The following TTLL5 variants were observed in gnomAD, a reference collection of about 807,000 sequenced individuals.
The protein encoded by TTLL5 is tubulin polyglutamylase TTLL5.
Under a neutral mutation model 168.4 loss-of-function variants are expected in TTLL5, and 132 were observed. That is an observed-to-expected ratio of 0.78 (90% CI 0.68 to 0.91). TTLL5 has a LOEUF of 0.91. Ranked by LOEUF, TTLL5 falls within the 40% of genes least tolerant of loss-of-function variation. The pLI is 0.00. For missense variants in TTLL5, 1,545 were observed against 1,581.5 expected, an observed-to-expected ratio of 0.98 and a Z score of 0.39; for synonymous variants, 546 against 558.6, an observed-to-expected ratio of 0.98 and a Z score of 0.32.
intron 29 of TTLL5, among the ~76,000 whole-genome samples, chr14:75,870,779 C>T (rs1021696392): frequency 6.6e-6 from 1 of 151,236 alleles, no homozygotes; most frequent in Admixed American, 6.6e-5. Flanking sequence ...TTGCTTAATT[C>T]ATATTATGCT....
In TTLL5 at chr14:75,791,470, G is replaced by A. The variant is rs143076224; in HGVS notation, c.2987-1446G>A. Among the ~76,000 whole-genome samples, 366 of 152,146 alleles carry A rather than the reference G, an allele frequency of 2.4e-3. 1 individual carries two copies. The highest frequency in any genetic ancestry group is 4.0e-3 in the Non-Finnish European group (272 of 68,000). ...ATATCTATATTAGGATACCATTTTTGTAGATCTCAAAAACGAGCAAAATTA... is the reference window on the plus strand; with the variant it reads ...ATATCTATATTAGGATACCATTTTTATAGATCTCAAAAACGAGCAAAATTA... On this transcript the variant is annotated intron_variant, in intron 26 of 31. Transcript: ENST00000298832.
Position 75,782,426 on chromosome 14 carries a change from A to G in TTLL5, c.2516-61A>G, listed in dbSNP as rs45622233. ...TATATTTTTGGGAATAAAATTATGTATAGAACAGCGGACTTGCAATTGATT... is the reference window on the plus strand; with the variant it reads ...TATATTTTTGGGAATAAAATTATGTGTAGAACAGCGGACTTGCAATTGATT... On this transcript the variant is annotated intron_variant, in intron 24 of 31. Transcript: ENST00000298832. 0.02 allele frequency: 27,278 copies of G among 1,337,856 alleles called. 457 individuals carry two copies. Among genetic ancestry groups the G allele is most frequent in the Admixed American group, 0.072 (3,759 of 52,354 alleles). 82.9% of individuals were successfully genotyped at this position (1,337,856 alleles called of 1,614,324 possible).
chr14:75,669,646 G>T, intron 3 of TTLL5, 124 bp downstream of exon 3: 2 of 578,274 alleles, frequency 3.5e-6, no homozygotes, highest in East Asian at 6.5e-5. Context: ...CAATTGAGTT[G>T]TTATACTTCA....
chr14:75,894,541 C>T (rs2140064302), intron 30 of TTLL5, among the ~76,000 whole-genome samples: 1 of 152,148 alleles, frequency 6.6e-6, no homozygotes, highest in Middle Eastern at 3.4e-3. Flanking sequence ...GGCGACAGAG[C>T]AAGACTCTGT....
intron 17 of TTLL5, among the ~76,000 whole-genome samples, chr14:75,752,172 C>A (rs559805113): frequency 6.6e-6 from 1 of 152,302 alleles, no homozygotes; most frequent in South Asian, 2.1e-4. Context: ...GTATCTTGTA[C>A]AGACCTCCTG....
chr14:75,817,058 C>A (rs988597436), intron 27 of TTLL5, among the ~76,000 whole-genome samples: 24 of 142,794 alleles, frequency 1.7e-4, no homozygotes, highest in African/African-American at 6.2e-4. Flanking sequence ...GAGCTCACTG[C>A]AGCCTCTGAC....
intron 17 of TTLL5, among the ~76,000 whole-genome samples, chr14:75,749,934 GCTTTATTACTTTATTC>G (rs1889846656): frequency 6.6e-6 from 1 of 151,982 alleles, no homozygotes; most frequent in African/African-American, 2.4e-5. Flanking sequence ...AATAAGAATA[GCTTTATTACTTTATTC>G]CTAATAATAA....
At chr14:75,833,043 C>T (rs370521876) in intron 28 of TTLL5, among the ~76,000 whole-genome samples, 5 of 152,180 alleles carry the variant, frequency 3.3e-5, no homozygotes, top group Non-Finnish European at 7.3e-5. Context: ...ACCTGCCTCC[C>T]GCAGCTCTGC....
intron 30 of TTLL5, among the ~76,000 whole-genome samples, chr14:75,896,808 G>A (rs1443803535): frequency 6.6e-6 from 1 of 152,152 alleles, no homozygotes; most frequent in Non-Finnish European, 1.5e-5. Context: ...CGAAAAACAT[G>A]TCAGAAACCT....
intron 26 of TTLL5, among the ~76,000 whole-genome samples, 162 bp from the exon 27 acceptor site, chr14:75,792,754 A>G (rs1026459118): frequency 4.6e-5 from 7 of 152,154 alleles, no homozygotes; most frequent in African/African-American, 1.7e-4. Flanking sequence ...TATGGTAACC[A>G]TTTATTTTTG....
At chr14:75,922,058 TG>T (rs1676909904) in intron 31 of TTLL5, among the ~76,000 whole-genome samples, 1 of 152,230 alleles carries the variant, frequency 6.6e-6, no homozygotes, top group Non-Finnish European at 1.5e-5. Flanking sequence ...TGTATAGGAA[TG>T]CTTGTGATTT....
chr14:75,817,736 T>G (rs1224295003), intron 27 of TTLL5, among the ~76,000 whole-genome samples: 1 of 152,068 alleles, frequency 6.6e-6, no homozygotes, highest in African/African-American at 2.4e-5. Flanking sequence ...CTTAAAATCC[T>G]GCATTCAGCT....
intron 8 of TTLL5, 141 bp from the exon 9 acceptor site, chr14:75,707,482 T>G (rs1886741309): frequency 3.1e-6 from 2 of 635,714 alleles, no homozygotes; most frequent in Non-Finnish European, 5.4e-6. Context: ...TCCTCCGAAG[T>G]CAAGGTGTGT....
intron 30 of TTLL5, chr14:75,886,836 A>C: frequency 1.9e-6 from 3 of 1,546,612 alleles, no homozygotes; most frequent in Non-Finnish European, 1.7e-6. Flanking sequence ...CAGAGCCAGA[A>C]TCATACTCTC....
At chr14:75,803,300 CAT>C (rs1256656428) in intron 27 of TTLL5, 2 of 152,250 alleles carry the variant, frequency 1.3e-5, no homozygotes, top group East Asian at 3.9e-4. Flanking sequence ...GATGATAAAA[CAT>C]AGAGGGACTC....
chr14:75,875,027 G>A (rs1320883775), intron 29 of TTLL5, among the ~76,000 whole-genome samples: 3 of 139,332 alleles, frequency 2.2e-5, no homozygotes, highest in African/African-American at 5.3e-5. Context: ...TCCGCCTCCC[G>A]GGTTCACACC....
intron 31 of TTLL5, among the ~76,000 whole-genome samples, chr14:75,918,741 T>A (rs1055253720): frequency 3.3e-5 from 5 of 152,222 alleles, no homozygotes; most frequent in Non-Finnish European, 7.3e-5. Flanking sequence ...ATCCTTCAGC[T>A]GAATAATGAC....
chr14:75,932,893 T>C (rs1488146677), intron 31 of TTLL5, among the ~76,000 whole-genome samples: 3 of 152,208 alleles, frequency 2.0e-5, no homozygotes, highest in Admixed American at 2.0e-4. Context: ...TTTTGTTTAT[T>C]ACTATCAAGT....
chr14:75,691,827 A>G (rs1194277614), intron 6 of TTLL5, among the ~76,000 whole-genome samples: 1 of 152,172 alleles, frequency 6.6e-6, no homozygotes, highest in Non-Finnish European at 1.5e-5. Flanking sequence ...GATTCTTTTA[A>G]CATGTTAGGC....
Sources: gnomAD v4.1 joint callset for allele counts (sites outside exome capture counted in the v4.1 genomes callset) on GRCh38, gnomAD v4.1.1 for gene constraint, MANE v1.5 for transcripts, NCBI Gene and HGNC (gene_info 2026-07-23, HGNC 2026-07-21) for gene names.